Variants in PTPN4 observed in about 807,000 individuals in gnomAD.
PTPN4 encodes the protein tyrosine-protein phosphatase non-receptor type 4.
A neutral mutation model predicts 135.5 loss-of-function variants in PTPN4; 49 were observed. The ratio of observed to expected loss-of-function variants is 0.36; its 90% CI spans 0.29 to 0.46. The LOEUF (loss-of-function observed/expected upper bound fraction) is 0.46, where lower values mean the gene tolerates loss of function less well. Among genes scored for constraint, PTPN4 ranks in the 20% least tolerant of loss-of-function variants. The probability of loss-of-function intolerance (pLI) is 1.00; values close to 1 mark genes in which losing one functional copy is unlikely to be tolerated. For missense variants in PTPN4, 860 were observed against 1,101.0 expected (o/e 0.78, Z 3.10); for synonymous variants, 333 against 369.9 (o/e 0.90, Z 1.14).
At chr2:119,925,367 G>A (rs573465846) in intron 12 of PTPN4, among the ~76,000 whole-genome samples, 9 of 152,220 alleles carry the variant, frequency 5.9e-5, no homozygotes, top group South Asian at 4.2e-4. Context: ...ATGACAGCTC[G>A]CACATTAAAT....
At position 119,812,485 on chromosome 2, in the gene PTPN4, G is replaced by A. The variant is rs758767795; in HGVS notation, c.138+2494G>A. ...ATCTGGTAGTTATCTCATCAAAGCCGTTTCTGTATTTTCTGAGGGAAATTT... is the reference window on the plus strand; with the variant it reads ...ATCTGGTAGTTATCTCATCAAAGCCATTTCTGTATTTTCTGAGGGAAATTT... On this transcript the variant is annotated intron_variant, in intron 2 of 26. Transcript: ENST00000263708. Among the ~76,000 whole-genome samples, 6 of 152,112 alleles carry A rather than the reference G, an allele frequency of 3.9e-5. No homozygotes were observed. The East Asian group carries it at 5.8e-4, about 15-fold the overall frequency.
At chr2:119,797,532 A>G (rs994008021) in intron 1 of PTPN4, among the ~76,000 whole-genome samples, 2 of 152,150 alleles carry the variant, frequency 1.3e-5, no homozygotes, top group Admixed American at 1.3e-4. Flanking sequence ...GATGTTGAAT[A>G]TGTTTTCTGT....
At chr2:119,924,008 G>A (rs1678776486) in intron 12 of PTPN4, among the ~76,000 whole-genome samples, 1 of 151,820 alleles carries the variant, frequency 6.6e-6, no homozygotes, top group Non-Finnish European at 1.5e-5. Context: ...GTAGTGGTGG[G>A]CACCTGTAGT....
intron 10 of PTPN4, among the ~76,000 whole-genome samples, chr2:119,906,270 G>C (rs1445762215): frequency 6.6e-6 from 1 of 152,156 alleles, no homozygotes; most frequent in Non-Finnish European, 1.5e-5. Flanking sequence ...TCGGGAGACT[G>C]AGGCAGGAGG....
rs149796375 is a variant in PTPN4, at chr2:119,854,963, G to A, written c.139-7573G>A. On this transcript the variant is annotated intron_variant, in intron 2 of 26. Coordinates refer to ENST00000263708, the MANE Select transcript of PTPN4 (RefSeq NM_002830.4). ...TCAGCTATGAGGACACCTAAGGCCT[G>A]TCTATTTTGTGCTACTACTGAGGTT... is the stretch of plus-strand genomic sequence containing the variant. 3.1e-3 allele frequency among the ~76,000 whole-genome samples: 473 copies of A among 152,278 alleles called. 2 individuals carry two copies. Among genetic ancestry groups the A allele is most frequent in the Middle Eastern group, 0.01 (3 of 294 alleles).
At chr2:119,806,375 G>A (rs1691468139) in intron 1 of PTPN4, among the ~76,000 whole-genome samples, 1 of 152,104 alleles carries the variant, frequency 6.6e-6, no homozygotes, top group African/African-American at 2.4e-5. Flanking sequence ...TAAAGGGATG[G>A]AGGAATATCT....
At chr2:119,912,111 A>C (rs1678579392) in intron 10 of PTPN4, among the ~76,000 whole-genome samples, 1 of 152,134 alleles carries the variant, frequency 6.6e-6, no homozygotes, top group African/African-American at 2.4e-5. Flanking sequence ...AGTGGAGAAA[A>C]GATTTAGTGA....
chr2:119,947,849 A>AG (rs1679159104), intron 18 of PTPN4, among the ~76,000 whole-genome samples: 2 of 151,994 alleles, frequency 1.3e-5, no homozygotes, highest in East Asian at 3.9e-4. Flanking sequence ...ACCTACTGCT[A>AG]TTGTGATCCT....
At chr2:119,766,456 G>GCA (rs1558718903) in intron 1 of PTPN4, among the ~76,000 whole-genome samples, 3 of 110,116 alleles carry the variant, frequency 2.7e-5, no homozygotes, top group Non-Finnish European at 3.9e-5. Context: ...GCGCGTGTGT[G>GCA]TGTGTGTGTG....
intron 10 of PTPN4, among the ~76,000 whole-genome samples, chr2:119,909,737 A>G (rs920554311): frequency 1.3e-5 from 2 of 152,204 alleles, no homozygotes; most frequent in African/African-American, 4.8e-5. Context: ...TTCATGATTC[A>G]TGGTAGAAGG....
At chr2:119,942,218 TCAA>T (rs1020574073) in intron 15 of PTPN4, among the ~76,000 whole-genome samples, 12 of 152,146 alleles carry the variant, frequency 7.9e-5, no homozygotes, top group African/African-American at 2.9e-4. Flanking sequence ...AAGTAGAGAT[TCAA>T]CAGTTTTAGC....
intron 20 of PTPN4, among the ~76,000 whole-genome samples, chr2:119,956,236 A>ATTT (rs1558774437): frequency 5.7e-5 from 5 of 87,988 alleles, no homozygotes; most frequent in Non-Finnish European, 9.8e-5. Flanking sequence ...AATAAACCTG[A>ATTT]ATTTTTTTTT....
At chr2:119,836,479 C>T (rs898112593) in intron 2 of PTPN4, among the ~76,000 whole-genome samples, 7 of 152,210 alleles carry the variant, frequency 4.6e-5, no homozygotes, top group East Asian at 1.9e-4. Context: ...CTGGAGCGGC[C>T]GCTGCAAAGA....
intron 2 of PTPN4, among the ~76,000 whole-genome samples, chr2:119,823,196 C>G (rs909047347): frequency 6.6e-6 from 1 of 151,204 alleles, no homozygotes; most frequent in African/African-American, 2.4e-5. Context: ...GGAAAGCTCT[C>G]TTCTCTGTGA....
chr2:119,897,062 G>A (rs183678197), intron 9 of PTPN4, among the ~76,000 whole-genome samples: 1 of 152,136 alleles, frequency 6.6e-6, no homozygotes, highest in East Asian at 1.9e-4. Flanking sequence ...CTGGACTAAA[G>A]GTGCACACCA....
At chr2:119,930,460 A>T (rs1213792706) in intron 13 of PTPN4, among the ~76,000 whole-genome samples, 1 of 152,184 alleles carries the variant, frequency 6.6e-6, no homozygotes, top group Non-Finnish European at 1.5e-5. Flanking sequence ...TTCATAAATC[A>T]TAAAATTCAG....
intron 18 of PTPN4, among the ~76,000 whole-genome samples, chr2:119,949,177 T>A (rs1368166198): frequency 6.6e-6 from 1 of 152,202 alleles, no homozygotes; most frequent in African/African-American, 2.4e-5. Flanking sequence ...ATTTTTCCCT[T>A]CTGCCATGTA....
At chr2:119,962,015 T>C (rs988340578) in intron 23 of PTPN4, among the ~76,000 whole-genome samples, 1 of 152,222 alleles carries the variant, frequency 6.6e-6, no homozygotes, top group African/African-American at 2.4e-5. Flanking sequence ...CTGAAAACTA[T>C]TGTATACATT....
intron 9 of PTPN4, among the ~76,000 whole-genome samples, chr2:119,891,643 A>T (rs1010369843): frequency 1.3e-5 from 2 of 152,186 alleles, no homozygotes; most frequent in Non-Finnish European, 2.9e-5. Context: ...TCTTTAAAAA[A>T]ATATCTCTTT....
Sources: gnomAD v4.1 joint callset for allele counts (sites outside exome capture counted in the v4.1 genomes callset) on GRCh38, gnomAD v4.1.1 for gene constraint, MANE v1.5 for transcripts, NCBI Gene and HGNC (gene_info 2026-07-23, HGNC 2026-07-21) for gene names.